The following CGGBP1 variants were observed in gnomAD, a reference collection of about 807,000 sequenced individuals.
CGGBP1 encodes the protein CGG triplet repeat binding protein 1.
CGGBP1 carries 4 observed loss-of-function variants against 11.4 expected under a neutral mutation model. The observed-to-expected ratio is 0.35, with a 90% CI of 0.17 to 0.80. The LOEUF (loss-of-function observed/expected upper bound fraction) is 0.80. Ranked by LOEUF, CGGBP1 falls within the 30% of genes least tolerant of loss-of-function variation. The pLI is 0.52. For missense variants in CGGBP1, 135 were observed against 202.1 expected, an observed-to-expected ratio of 0.67 and a Z score of 2.01; for synonymous variants, 76 against 74.1, an observed-to-expected ratio of 1.03 and a Z score of -0.13.
upstream of CGGBP1, among the ~76,000 whole-genome samples, chr3:88,062,484 CAGT>C (rs1315711740): frequency 1.3e-5 from 2 of 152,186 alleles, no homozygotes; most frequent in Non-Finnish European, 2.9e-5. Context: ...CATTATGACA[CAGT>C]AGTAAGAAAT....
Position 88,055,253 on chromosome 3 carries a change from C to G in CGGBP1, c.*220G>C. 1 of 402,392 alleles carries G rather than the reference C, an allele frequency of 2.5e-6. No individual in the cohort carries two copies. The highest frequency in any genetic ancestry group is 4.4e-6 in the Non-Finnish European group (1 of 228,334). The allele number at this position is 402,392 out of a possible 1,614,324, so 24.9% of individuals were successfully genotyped here. On this transcript the variant is annotated 3_prime_UTR_variant, in exon 4 of 4. Transcript: ENST00000482016. The surrounding 1 kb of genome is among the most constrained non-coding windows in gnomAD (Gnocchi z 4.2). The stretch of plus-strand genomic sequence containing the variant: ...CCATCAGGTTTCAGGTATCCTAGCA[C>G]ACTCTAAACCTAGGTTTTGCTTTAT...
chr3:88,095,589 T>C, intron 2 of CGGBP1: 1 of 521,742 alleles, frequency 1.9e-6, no homozygotes. Flanking sequence ...GCCACAGGAA[T>C]CTGTTGCCCC....
intron 2 of CGGBP1, among the ~76,000 whole-genome samples, chr3:88,072,632 C>T (rs1707580395): frequency 6.6e-6 from 1 of 152,092 alleles, no homozygotes; most frequent in Non-Finnish European, 1.5e-5. Context: ...CCTGAACACC[C>T]CATGTAAAGC....
At chr3:88,134,729 A>G (rs1419848529) in intron 2 of CGGBP1, among the ~76,000 whole-genome samples, 1 of 152,114 alleles carries the variant, frequency 6.6e-6, no homozygotes, top group Non-Finnish European at 1.5e-5. Flanking sequence ...TATTAATTAA[A>G]GGCCAAAGTT....
chr3:88,109,142 A>ATGTGTGT (rs1553697145), intron 2 of CGGBP1, among the ~76,000 whole-genome samples: 34 of 142,530 alleles, frequency 2.4e-4, no homozygotes, highest in Admixed American at 1.5e-3. Context: ...AGTGGGCACT[A>ATGTGTGT]GTGTGTGTGT....
intron 2 of CGGBP1, among the ~76,000 whole-genome samples, chr3:88,109,100 G>A (rs569612672): frequency 2.2e-4 from 33 of 151,748 alleles, no homozygotes; most frequent in South Asian, 1.3e-3. Context: ...CAGTGGGAGG[G>A]AAGGGGTCTG....
rs557096851 is a variant in CGGBP1, at chr3:88,052,117, A to G, written c.*3356T>C. On this transcript the variant is annotated 3_prime_UTR_variant, in exon 4 of 4. Transcript: ENST00000482016. Reference sequence around the variant, plus strand: ...ATGCGTGAGCAAAAAAAATAAGCACAGAATACAAAAATGAAATAGTAAAAT... The same window carrying G: ...ATGCGTGAGCAAAAAAAATAAGCACGGAATACAAAAATGAAATAGTAAAAT... The G allele has an allele frequency of 6.5e-6, 1 of 152,796 alleles. No homozygotes were observed. Among genetic ancestry groups the G allele is most frequent in the East Asian group, 1.9e-4 (1 of 5,188 alleles). 9.5% of individuals were successfully genotyped at this position (152,796 alleles called of 1,614,324 possible). A position where few individuals can be genotyped will look rare whatever the true frequency, so the allele number is the denominator to read the frequency against.
intron 2 of CGGBP1, among the ~76,000 whole-genome samples, chr3:88,109,137 G>GC (rs1301368764): frequency 1.5e-5 from 2 of 133,534 alleles, no homozygotes; most frequent in East Asian, 4.6e-4. Context: ...GGATAAGTGG[G>GC]CACTAGTGTG....
rs1706476444 is a variant in CGGBP1 at position 88,053,581 on chromosome 3, G to A, written c.*1892C>T. The A allele has an allele frequency of 6.6e-6, 1 of 152,368 alleles. No individual in the cohort carries two copies. The highest frequency in any genetic ancestry group is 6.5e-5 in the Admixed American group (1 of 15,270). The allele number at this position is 152,368 out of a possible 1,614,324, so 9.4% of individuals were successfully genotyped here. A position where few individuals can be genotyped will look rare whatever the true frequency, so the allele number is the denominator to read the frequency against. ...TCTGCCATTACATTTTGCTATTAGT[G>A]CAAATTAATACCCAAATAATAGGGA... On this transcript the variant is annotated 3_prime_UTR_variant, in exon 4 of 4. Coordinates refer to ENST00000482016, the MANE Select transcript of CGGBP1 (RefSeq NM_001008390.2).
intron 2 of CGGBP1, among the ~76,000 whole-genome samples, chr3:88,117,641 A>C (rs1172385711): frequency 6.6e-6 from 1 of 152,200 alleles, no homozygotes; most frequent in African/African-American, 2.4e-5. Flanking sequence ...TATTATGGTT[A>C]TCATGAAGAA....
rs189130894 is a variant in CGGBP1 at position 88,145,097 on chromosome 3, A to G, written c.-337-4019T>C. Among the ~76,000 whole-genome samples the G allele has an allele frequency of 2.0e-5, 3 of 152,178 alleles. No homozygotes were observed. The East Asian group carries it at 5.8e-4, about 29-fold the overall frequency. ...ACAAAGACTGAAATCATTTTGAAAT[A>G]TTACAATATAAATGATGATGAAAAT... is the stretch of plus-strand genomic sequence containing the variant. On this transcript the variant is annotated intron_variant, in intron 1 of 3. Coordinates refer to the CGGBP1 transcript ENST00000462901.
chr3:88,088,597 A>G lies in CGGBP1; in HGVS notation c.-228-30374T>C, dbSNP rs148571789. Among the ~76,000 whole-genome samples the G allele has an allele frequency of 2.0e-5, 3 of 152,336 alleles. No homozygotes were observed. In the East Asian group the frequency reaches 5.8e-4, roughly 29 times the overall value. On this transcript the variant is annotated intron_variant, in intron 2 of 3. Coordinates refer to the CGGBP1 transcript ENST00000462901. ...AGAAGAAATCCAGAATGTAAAACAA[A>G]ACCAAAGAGAAATTTAAATGTGTGT...
intron 2 of CGGBP1, among the ~76,000 whole-genome samples, chr3:88,083,853 G>C (rs1188962410): frequency 6.6e-6 from 1 of 151,810 alleles, no homozygotes; most frequent in African/African-American, 2.4e-5. Context: ...TGGCCTTGTA[G>C]AACACACAGA....
intron 2 of CGGBP1, among the ~76,000 whole-genome samples, chr3:88,078,907 A>G (rs1707945543): frequency 1.3e-5 from 2 of 152,054 alleles, no homozygotes; most frequent in Non-Finnish European, 2.9e-5. Flanking sequence ...ATTCTCTGTG[A>G]ATTTTTTTTT....
intron 2 of CGGBP1, among the ~76,000 whole-genome samples, chr3:88,079,448 A>G (rs1243845348): frequency 2.0e-5 from 3 of 152,096 alleles, no homozygotes; most frequent in Non-Finnish European, 4.4e-5. Flanking sequence ...TTTTGTTTAT[A>G]TAATTTTAAA....
rs1173114091 is a variant in CGGBP1, at chr3:88,055,263, C to G, written c.*210G>C. The G allele has an allele frequency of 7.0e-6, 3 of 426,860 alleles. No individual in the cohort carries two copies. The South Asian group carries it at 2.3e-4, about 33-fold the overall frequency. The allele number at this position is 426,860 out of a possible 1,614,324, so 26.4% of individuals were successfully genotyped here. ...TCAGGTATCCTAGCACACTCTAAAC[C>G]TAGGTTTTGCTTTATACCATTGGTG... On this transcript the variant is annotated 3_prime_UTR_variant, in exon 4 of 4. Transcript: ENST00000482016. The surrounding 1 kb of genome is among the most constrained non-coding windows in gnomAD (Gnocchi z 4.2).
intron 1 of CGGBP1, chr3:88,141,778 A>G: frequency 1.5e-6 from 1 of 650,208 alleles, no homozygotes; most frequent in Non-Finnish European, 2.4e-6. Context: ...ATTACTAAAG[A>G]TAAAGACAAA....
chr3:88,136,089 ACTC>A (rs1347347244), intron 2 of CGGBP1, among the ~76,000 whole-genome samples: 5 of 152,044 alleles, frequency 3.3e-5, no homozygotes, highest in Non-Finnish European at 2.9e-5. Flanking sequence ...CTCAAAGTAA[ACTC>A]CTTCCAGCAA....
At position 88,055,997 on chromosome 3, in the gene CGGBP1, G is replaced by C. The variant is rs1209027042; in HGVS notation, c.-21C>G. ...TCCATTCTGACTCTAAATAAATATG[G>C]TTCTTTCAAGACAAAAGAAACAAAG... is the stretch of plus-strand genomic sequence containing the variant. On this transcript the variant is annotated splice_region_variant and 5_prime_UTR_variant, in exon 4 of 4. Coordinates refer to ENST00000482016, the MANE Select transcript of CGGBP1 (RefSeq NM_001008390.2). The surrounding 1 kb of genome is among the most constrained non-coding windows in gnomAD (Gnocchi z 4.2). 1.3e-6 allele frequency: 2 copies of C among 1,571,278 alleles called. No homozygotes were observed. Among genetic ancestry groups the C allele is most frequent in the African/African-American group, 2.7e-5 (2 of 73,376 alleles).
Sources: gnomAD v4.1 joint callset for allele counts (sites outside exome capture counted in the v4.1 genomes callset) on GRCh38, gnomAD v4.1.1 for gene constraint, Gnocchi (gnomAD v3.1) non-coding constraint, MANE v1.5 for transcripts, NCBI Gene and HGNC (gene_info 2026-07-23, HGNC 2026-07-21) for gene names.